Variants in FRMD4A observed in about 807,000 individuals in gnomAD.
FRMD4A encodes FERM domain-containing protein 4A.
Under a neutral mutation model 129.1 loss-of-function variants are expected in FRMD4A, and 29 were observed. The ratio of observed to expected loss-of-function variants is 0.22; its 90% confidence interval spans 0.17 to 0.31. The LOEUF is 0.31. FRMD4A is among the 10% of genes least tolerant of loss of function. The pLI, the probability that FRMD4A is intolerant of heterozygous loss-of-function variation, is 1.00. For missense variants in FRMD4A, 1,272 were observed against 1,375.8 expected (o/e 0.92, Z 1.19); for synonymous variants, 634 against 571.6 (o/e 1.11, Z -1.56).
At chr10:14,170,836 C>T (rs1255625217) in intron 2 of FRMD4A, among the ~76,000 whole-genome samples, 1 of 151,800 alleles carries the variant, frequency 6.6e-6, no homozygotes, top group Non-Finnish European at 1.5e-5. Flanking sequence ...GTCCTCTCCT[C>T]TCCTCTTTTC....
At chr10:13,791,842 C>T (rs548906364) in intron 5 of FRMD4A, among the ~76,000 whole-genome samples, 5 of 152,126 alleles carry the variant, frequency 3.3e-5, no homozygotes, top group African/African-American at 9.7e-5. Context: ...GGGTGATGAC[C>T]AGGTGCAAGT....
chr10:13,739,880 A>T (rs1444546362), intron 11 of FRMD4A, among the ~76,000 whole-genome samples: 1 of 152,232 alleles, frequency 6.6e-6, no homozygotes, highest in Non-Finnish European at 1.5e-5. Context: ...CAGGCAGATC[A>T]CCTGAGGTCA....
intron 15 of FRMD4A, chr10:13,685,598 G>A (rs531980285): frequency 7.5e-5 from 74 of 983,838 alleles, no homozygotes; most frequent in South Asian, 9.4e-5. Flanking sequence ...AAGGAGCACT[G>A]CAACAGAGGG....
intron 2 of FRMD4A, among the ~76,000 whole-genome samples, chr10:14,202,487 C>T (rs1388352865): frequency 2.6e-5 from 4 of 152,074 alleles, no homozygotes; most frequent in Non-Finnish European, 5.9e-5. Context: ...CTGCAACCTG[C>T]GCCTCCTGGG....
At chr10:13,830,107 C>A (rs145779324) in intron 3 of FRMD4A, among the ~76,000 whole-genome samples, 16 of 152,160 alleles carry the variant, frequency 1.1e-4, no homozygotes, top group African/African-American at 3.9e-4. Flanking sequence ...GGAGATAACG[C>A]GCTTTACATT....
chr10:14,260,682 A>G (rs947522852), intron 2 of FRMD4A, among the ~76,000 whole-genome samples: 20 of 152,230 alleles, frequency 1.3e-4, no homozygotes, highest in African/African-American at 4.3e-4. Flanking sequence ...CAGTAGACGA[A>G]AATATTCACA....
chr10:14,153,861 G>T (rs1840464917), intron 2 of FRMD4A, among the ~76,000 whole-genome samples: 1 of 152,102 alleles, frequency 6.6e-6, no homozygotes, highest in Admixed American at 6.5e-5. Context: ...TCAATCAATC[G>T]TTCTTTCCTA....
chr10:13,844,203 C>T (rs1324896326), intron 3 of FRMD4A, among the ~76,000 whole-genome samples: 2 of 151,982 alleles, frequency 1.3e-5, no homozygotes, highest in African/African-American at 4.8e-5. Context: ...GTGCGGTTGA[C>T]AGACCCACCA....
rs530681619 is a variant in FRMD4A, at chr10:13,662,784, G to A, written c.1660+669C>T. Among the ~76,000 whole-genome samples the A allele has an allele frequency of 3.3e-5, 5 of 152,218 alleles. No homozygotes were observed. The East Asian group carries it at 5.8e-4, about 18-fold the overall frequency. ...GAGGGTGTGTTCCATTTCTTCTCAC[G>A]ATCCTTACACTCTCCTAGTGGGTTT... On this transcript the variant is annotated intron_variant, in intron 19 of 24. Coordinates refer to ENST00000357447, the MANE Select transcript of FRMD4A (RefSeq NM_018027.5).
chr10:14,166,838 G>A (rs575795986), intron 2 of FRMD4A, among the ~76,000 whole-genome samples: 14 of 152,282 alleles, frequency 9.2e-5, no homozygotes, highest in African/African-American at 3.4e-4. Context: ...TTTGGCCTTC[G>A]TGCCCAGTTT....
intron 2 of FRMD4A, among the ~76,000 whole-genome samples, chr10:14,096,017 G>A (rs913642393): frequency 1.3e-5 from 2 of 152,104 alleles, no homozygotes; most frequent in Non-Finnish European, 2.9e-5. Context: ...AATAACCCTC[G>A]CCATCCTGTT....
chr10:14,200,553 A>G (rs879348181), intron 2 of FRMD4A, among the ~76,000 whole-genome samples: 2 of 152,208 alleles, frequency 1.3e-5, no homozygotes, highest in African/African-American at 4.8e-5. Context: ...TAAAGGAAAG[A>G]GAGCTACAGA....
At chr10:14,085,078 A>T (rs1205519644) in intron 2 of FRMD4A, among the ~76,000 whole-genome samples, 1 of 152,194 alleles carries the variant, frequency 6.6e-6, no homozygotes, top group Non-Finnish European at 1.5e-5. Flanking sequence ...ACCACAATAC[A>T]TTCTTCTAAT....
chr10:13,747,186 AG>A (rs746651780), intron 9 of FRMD4A, among the ~76,000 whole-genome samples: 5 of 126,584 alleles, frequency 3.9e-5, no homozygotes, highest in East Asian at 4.3e-4. Flanking sequence ...AAAAAAAAAA[AG>A]AAGAAGAAAC....
intron 2 of FRMD4A, among the ~76,000 whole-genome samples, chr10:14,165,872 G>A (rs1354561542): frequency 1.3e-5 from 2 of 152,160 alleles, no homozygotes. Flanking sequence ...GGAAGAGGGT[G>A]GGGCAAGGAC....
intron 2 of FRMD4A, among the ~76,000 whole-genome samples, chr10:14,143,553 C>A (rs904212685): frequency 1.3e-5 from 2 of 152,132 alleles, no homozygotes; most frequent in African/African-American, 4.8e-5. Context: ...CGCAACAATG[C>A]GAATGTATTT....
At chr10:14,322,945 C>T (rs1216964835) in intron 2 of FRMD4A, among the ~76,000 whole-genome samples, 1 of 152,190 alleles carries the variant, frequency 6.6e-6, no homozygotes, top group Non-Finnish European at 1.5e-5. Context: ...GTGTAAAATG[C>T]ACGCATTTTG....
At chr10:13,905,715 A>G (rs1163470872) in intron 2 of FRMD4A, among the ~76,000 whole-genome samples, 1 of 152,192 alleles carries the variant, frequency 6.6e-6, no homozygotes, top group East Asian at 1.9e-4. Context: ...GAGGCTCAGA[A>G]ACACTAAGTA....
In FRMD4A at chr10:14,153,004, G is replaced by A. The variant is rs192474211; in HGVS notation, c.45+177054C>T. On this transcript the variant is annotated intron_variant, in intron 2 of 24. Coordinates refer to ENST00000357447, the MANE Select transcript of FRMD4A (RefSeq NM_018027.5). ...TGGGAATGCTGGATCCTGAGCACTA[G>A]TGCCCCAGGCCTCGGCAGAGACTCG... is the stretch of plus-strand genomic sequence containing the variant. 2.6e-5 allele frequency among the ~76,000 whole-genome samples: 4 copies of A among 152,330 alleles called. No individual in the cohort carries two copies. In the East Asian group the frequency reaches 5.8e-4, roughly 22 times the overall value.
Sources: allele counts gnomAD v4.1 joint callset (sites outside exome capture counted in the v4.1 genomes callset), GRCh38; gene constraint gnomAD v4.1.1; transcripts MANE v1.5; gene names NCBI Gene and HGNC (gene_info 2026-07-23, HGNC 2026-07-21).